Variants in SFMBT2 observed in about 807,000 individuals in gnomAD.
SFMBT2 encodes the protein scm-like with four MBT domains protein 2.
SFMBT2 carries 38 observed loss-of-function variants against 110.1 expected under a neutral mutation model. That is an observed-to-expected ratio of 0.35 (90% CI 0.27 to 0.45). SFMBT2 has a LOEUF of 0.45. Ranked by LOEUF, SFMBT2 falls within the 20% of genes least tolerant of loss-of-function variation. The pLI is 1.00. For synonymous variants in SFMBT2, 425 were observed against 425.4 expected (o/e 1.00, Z 0.01); for missense variants, 1,011 against 1,094.9 (o/e 0.92, Z 1.08).
chr10:7,186,421 TATATACAC>T (rs1838406567), intron 16 of SFMBT2, among the ~76,000 whole-genome samples: 1 of 77,448 alleles, frequency 1.3e-5, no homozygotes, highest in African/African-American at 8.1e-5. Flanking sequence ...ATACATACTA[TATATACAC>T]ACACACACAC....
intron 4 of SFMBT2, among the ~76,000 whole-genome samples, chr10:7,302,585 G>A (rs951806034): frequency 6.6e-6 from 1 of 152,180 alleles, no homozygotes; most frequent in African/African-American, 2.4e-5. Context: ...CAATTAACTG[G>A]CTTGATTCTT....
At chr10:7,180,339 A>G (rs538269905) in intron 16 of SFMBT2, among the ~76,000 whole-genome samples, 37 of 140,328 alleles carry the variant, frequency 2.6e-4, no homozygotes, top group African/African-American at 9.2e-4. Context: ...GGGTTTTGCT[A>G]TGTTGGCCAG....
intron 7 of SFMBT2, among the ~76,000 whole-genome samples, chr10:7,272,152 C>G (rs1464704203): frequency 2.0e-5 from 3 of 152,122 alleles, no homozygotes; most frequent in Non-Finnish European, 4.4e-5. Context: ...TTGATCGTAC[C>G]CTAGAGTCCA....
intron 15 of SFMBT2, among the ~76,000 whole-genome samples, chr10:7,194,270 G>C (rs564703790): frequency 6.6e-6 from 1 of 152,074 alleles, no homozygotes; most frequent in Non-Finnish European, 1.5e-5. Context: ...AGACACGCTC[G>C]TGGTCCTGCC....
rs1837826816 is a variant in SFMBT2 at position 7,170,123 on chromosome 10, G to T, written c.2544+805C>A. Among the ~76,000 whole-genome samples, 1 of 152,106 alleles carries T rather than the reference G, an allele frequency of 6.6e-6. No homozygotes were observed. Among genetic ancestry groups the T allele is most frequent in the Non-Finnish European group, 1.5e-5 (1 of 68,024 alleles). ...ATTATATACAAATTCACAAACAGAA[G>T]ACTCTGGAAGGTGGAGAAAGGAGGG... On this transcript the variant is annotated intron_variant, in intron 20 of 20. Coordinates refer to ENST00000397167, the MANE Select transcript of SFMBT2 (RefSeq NM_001387889.1). The surrounding 1 kb of genome is among the most constrained non-coding windows in gnomAD (Gnocchi z 4.6).
chr10:7,313,782 C>T (rs916578666), intron 4 of SFMBT2, among the ~76,000 whole-genome samples: 1 of 152,168 alleles, frequency 6.6e-6, no homozygotes, highest in Non-Finnish European at 1.5e-5. Flanking sequence ...CATGTCCAGC[C>T]AGGTTGTAAG....
At chr10:7,205,286 C>G (rs1446959004) in intron 12 of SFMBT2, 2 of 406,942 alleles carry the variant, frequency 4.9e-6, no homozygotes, top group East Asian at 3.2e-4. Context: ...TATACAGTAT[C>G]TCACTATGTT....
intron 10 of SFMBT2, among the ~76,000 whole-genome samples, chr10:7,227,267 G>A (rs1839924200): frequency 6.6e-6 from 1 of 152,176 alleles, no homozygotes; most frequent in African/African-American, 2.4e-5. Flanking sequence ...CAGTGGGTTC[G>A]TGGATAAGAT....
intron 1 of SFMBT2, among the ~76,000 whole-genome samples, chr10:7,386,363 C>A (rs1845605850): frequency 6.6e-6 from 1 of 152,260 alleles, no homozygotes; most frequent in South Asian, 2.1e-4. Context: ...AATCCCAGAG[C>A]TTTGGGAGGC....
chr10:7,348,427 A>G (rs1321918723), intron 4 of SFMBT2: 2 of 1,068,856 alleles, frequency 1.9e-6, no homozygotes, highest in Admixed American at 3.8e-5. Context: ...CTACTGTGTA[A>G]ATATGTCATT....
intron 15 of SFMBT2, among the ~76,000 whole-genome samples, chr10:7,191,540 C>T (rs906161569): frequency 3.9e-5 from 6 of 152,242 alleles, no homozygotes; most frequent in African/African-American, 1.4e-4. Flanking sequence ...CCCTCCCCAT[C>T]CGGGTCTTTA....
chr10:7,366,845 G>T (rs1428644726), intron 4 of SFMBT2, among the ~76,000 whole-genome samples: 2 of 152,176 alleles, frequency 1.3e-5, no homozygotes, highest in South Asian at 2.1e-4. Context: ...GCATTGCGGG[G>T]GTTTAGCATC....
At chr10:7,290,423 A>T (rs1453602798) in intron 4 of SFMBT2, among the ~76,000 whole-genome samples, 8 of 152,322 alleles carry the variant, frequency 5.3e-5, no homozygotes, top group African/African-American at 2.4e-5. Context: ...ATCACAGTGA[A>T]GGAAGGAATC....
At chr10:7,228,781 T>TCTCTCTCTCC (rs1466235599) in intron 9 of SFMBT2, among the ~76,000 whole-genome samples, 29 of 110,450 alleles carry the variant, frequency 2.6e-4, no homozygotes, top group African/African-American at 8.5e-4. Context: ...TCTCTCTCTC[T>TCTCTCTCTCC]CCCCCTCCCT....
intron 4 of SFMBT2, among the ~76,000 whole-genome samples, chr10:7,357,269 A>C (rs1315753738): frequency 6.6e-6 from 1 of 152,126 alleles, no homozygotes; most frequent in African/African-American, 2.4e-5. Flanking sequence ...GTGCCCAGAC[A>C]AGACATCTGG....
intron 11 of SFMBT2, among the ~76,000 whole-genome samples, chr10:7,212,655 A>G (rs938145221): frequency 1.3e-5 from 2 of 152,222 alleles, no homozygotes; most frequent in Non-Finnish European, 2.9e-5. Flanking sequence ...CCACCATCCT[A>G]TAAGAGACTC....
At chr10:7,305,831 A>T (rs1365630513) in intron 4 of SFMBT2, among the ~76,000 whole-genome samples, 1 of 152,250 alleles carries the variant, frequency 6.6e-6, no homozygotes, top group Non-Finnish European at 1.5e-5. Flanking sequence ...CAGTGAAATC[A>T]CTTAACCTTT....
chr10:7,364,537 T>A (rs1446729194), intron 4 of SFMBT2, among the ~76,000 whole-genome samples: 1 of 152,246 alleles, frequency 6.6e-6, no homozygotes, highest in Non-Finnish European at 1.5e-5. Flanking sequence ...AATGAACCCA[T>A]TAGCTCTTAG....
At chr10:7,385,122 G>A (rs1421263088) in intron 1 of SFMBT2, among the ~76,000 whole-genome samples, 1 of 152,172 alleles carries the variant, frequency 6.6e-6, no homozygotes, top group Non-Finnish European at 1.5e-5. Context: ...CAAACTACTT[G>A]TTGATAAGCA....
Sources: gnomAD v4.1 joint callset for allele counts (sites outside exome capture counted in the v4.1 genomes callset) on GRCh38, gnomAD v4.1.1 for gene constraint, Gnocchi (gnomAD v3.1) non-coding constraint, MANE v1.5 for transcripts, NCBI Gene and HGNC (gene_info 2026-07-23, HGNC 2026-07-21) for gene names.